TMEM131: variants seen among roughly 807,000 people sequenced by gnomAD.
TMEM131 encodes 2610524E03Rik.
TMEM131 carries 66 observed loss-of-function variants against 211.6 expected under a neutral mutation model. That is an observed-to-expected ratio of 0.31 (90% CI 0.26 to 0.38). The LOEUF (loss-of-function observed/expected upper bound fraction) is 0.38, where lower values mean the gene tolerates loss of function less well. TMEM131 is among the 10% of genes least tolerant of loss of function. TMEM131 has a pLI of 1.00. For synonymous variants in TMEM131, 844 were observed against 841.3 expected (o/e 1.00, Z -0.06); for missense variants, 2,036 against 2,299.3 (o/e 0.89, Z 2.34).
chr2:97,783,628 G>A (rs1010669770), intron 31 of TMEM131, among the ~76,000 whole-genome samples: 5 of 151,580 alleles, frequency 3.3e-5, no homozygotes, highest in African/African-American at 7.3e-5. Context: ...CTAAAAAAGA[G>A]ATACACTAAA....
intron 1 of TMEM131, among the ~76,000 whole-genome samples, chr2:97,982,415 C>T (rs1050025118): frequency 1.3e-5 from 2 of 152,094 alleles, no homozygotes; most frequent in Non-Finnish European, 2.9e-5. Context: ...AGATACATAT[C>T]CCTTTATCAG....
chr2:97,888,407 C>T (rs1379450501), intron 3 of TMEM131, among the ~76,000 whole-genome samples: 1 of 152,048 alleles, frequency 6.6e-6, no homozygotes, highest in Non-Finnish European at 1.5e-5. Flanking sequence ...TAATTGGTAA[C>T]GATATACTTT....
intron 1 of TMEM131, among the ~76,000 whole-genome samples, chr2:97,941,913 G>A (rs1218884160): frequency 6.6e-6 from 1 of 152,166 alleles, no homozygotes; most frequent in Non-Finnish European, 1.5e-5. Context: ...GGAAGACAGT[G>A]GGGCGATTCC....
intron 1 of TMEM131, among the ~76,000 whole-genome samples, chr2:97,974,056 C>A (rs1180138098): frequency 1.3e-5 from 2 of 152,078 alleles, no homozygotes; most frequent in Non-Finnish European, 2.9e-5. Flanking sequence ...TGAAACCAAC[C>A]TAGAACTGGC....
At chr2:97,962,728 T>C (rs1037275796) in intron 1 of TMEM131, among the ~76,000 whole-genome samples, 1 of 152,228 alleles carries the variant, frequency 6.6e-6, no homozygotes, top group Non-Finnish European at 1.5e-5. Context: ...AAAAAACTTT[T>C]ACTTAAACCT....
intron 39 of TMEM131, 61 bp downstream of exon 39, chr2:97,759,591 C>A: frequency 7.1e-7 from 1 of 1,400,872 alleles, no homozygotes; most frequent in Non-Finnish European, 1.0e-6. Context: ...CAAAACCACA[C>A]CTCCTCTCCC....
At chr2:97,921,463 A>G (rs929226407) in intron 2 of TMEM131, among the ~76,000 whole-genome samples, 5 of 152,222 alleles carry the variant, frequency 3.3e-5, no homozygotes, top group Non-Finnish European at 1.5e-5. Context: ...CACAAAATAA[A>G]AAAGTATTAA....
At chr2:97,845,749 CAG>C (rs1683395892) in intron 5 of TMEM131, among the ~76,000 whole-genome samples, 2 of 119,282 alleles carry the variant, frequency 1.7e-5, no homozygotes, top group South Asian at 4.7e-4. Flanking sequence ...AAATAGAAAA[CAG>C]AAAGTAGCAA....
At chr2:97,816,166 C>A (rs1373126915) in intron 12 of TMEM131, among the ~76,000 whole-genome samples, 2 of 152,012 alleles carry the variant, frequency 1.3e-5, no homozygotes, top group Non-Finnish European at 2.9e-5. Context: ...CATGGTGAAA[C>A]CCTGTCTCTA....
intron 31 of TMEM131, among the ~76,000 whole-genome samples, chr2:97,784,650 G>A (rs572115960): frequency 3.9e-5 from 6 of 152,132 alleles, no homozygotes; most frequent in Admixed American, 3.3e-4. Context: ...AAACGGGGGG[G>A]AAAGTCCTGT....
chr2:97,826,522 G>A (rs1682391147), intron 11 of TMEM131, among the ~76,000 whole-genome samples: 1 of 152,072 alleles, frequency 6.6e-6, no homozygotes, highest in Admixed American at 6.5e-5. Flanking sequence ...TAAGCAGCTG[G>A]CAGAGGCAGG....
At chr2:97,851,352 CCTT>C (rs1184015398) in intron 5 of TMEM131, among the ~76,000 whole-genome samples, 1 of 152,256 alleles carries the variant, frequency 6.6e-6, no homozygotes, top group East Asian at 1.9e-4. Flanking sequence ...TCAACTCTGT[CCTT>C]CTAGTTGCTC....
intron 1 of TMEM131, among the ~76,000 whole-genome samples, chr2:97,957,521 A>G (rs927385276): frequency 1.3e-5 from 2 of 152,176 alleles, no homozygotes; most frequent in Admixed American, 1.3e-4. Context: ...CACTGACTAT[A>G]AACAGAAAGT....
intron 4 of TMEM131, among the ~76,000 whole-genome samples, chr2:97,873,911 T>C (rs780084899): frequency 3.8e-4 from 58 of 152,088 alleles, no homozygotes; most frequent in Non-Finnish European, 1.2e-4. Context: ...AGGTGGGTAA[T>C]AACAAACTCC....
chr2:97,923,475 A>G (rs2104426909), intron 2 of TMEM131, among the ~76,000 whole-genome samples: 1 of 151,902 alleles, frequency 6.6e-6, no homozygotes, highest in East Asian at 1.9e-4. Context: ...ATGAATAATT[A>G]GCCAGATGTG....
At chr2:97,959,941 A>G (rs1330224387) in intron 1 of TMEM131, among the ~76,000 whole-genome samples, 2 of 152,208 alleles carry the variant, frequency 1.3e-5, no homozygotes, top group Non-Finnish European at 1.5e-5. Context: ...GTTTTACAGA[A>G]TATCCCACAA....
intron 3 of TMEM131, among the ~76,000 whole-genome samples, chr2:97,907,680 T>C (rs1676129459): frequency 6.6e-6 from 1 of 152,242 alleles, no homozygotes; most frequent in African/African-American, 2.4e-5. Flanking sequence ...TGCCTTGCTG[T>C]CATTTAAGGA....
At chr2:97,844,603 T>C (rs1304997262) in intron 5 of TMEM131, among the ~76,000 whole-genome samples, 1 of 152,180 alleles carries the variant, frequency 6.6e-6, no homozygotes, top group Non-Finnish European at 1.5e-5. Flanking sequence ...CATATAGATA[T>C]ACTGCTGTAC....
intron 1 of TMEM131, among the ~76,000 whole-genome samples, chr2:97,993,236 C>T (rs549269787): frequency 6.6e-6 from 1 of 152,150 alleles, no homozygotes; most frequent in South Asian, 2.1e-4. Flanking sequence ...AAATTTTAAA[C>T]TAGTTTATGC....
Sources: gnomAD v4.1 joint callset for allele counts (sites outside exome capture counted in the v4.1 genomes callset) on GRCh38, gnomAD v4.1.1 for gene constraint, MANE v1.5 for transcripts, NCBI Gene and HGNC (gene_info 2026-07-23, HGNC 2026-07-21) for gene names.